The following NAV2 variants were observed in gnomAD, a reference collection of about 807,000 sequenced individuals.
NAV2 encodes neuron navigator 2.
A neutral mutation model predicts 223.2 loss-of-function variants in NAV2; 54 were observed. The observed-to-expected ratio is 0.24, with a 90% CI of 0.19 to 0.30. The LOEUF (loss-of-function observed/expected upper bound fraction) is 0.30, where lower values mean the gene tolerates loss of function less well. Among genes scored for constraint, NAV2 ranks in the 10% least tolerant of loss-of-function variants. The probability of loss-of-function intolerance (pLI) is 1.00; values close to 1 mark genes in which losing one functional copy is unlikely to be tolerated. For missense variants in NAV2, 2,806 were observed against 3,147.5 expected, an observed-to-expected ratio of 0.89 and a Z score of 2.60; for synonymous variants, 1,279 against 1,239.3, an observed-to-expected ratio of 1.03 and a Z score of -0.67.
At chr11:19,378,916 T>G (rs1319699789) in intron 1 of NAV2, among the ~76,000 whole-genome samples, 1 of 152,104 alleles carries the variant, frequency 6.6e-6, no homozygotes, top group Admixed American at 6.5e-5. Context: ...GTGCTGGGCA[T>G]GTGGAGAAAT....
intron 1 of NAV2, among the ~76,000 whole-genome samples, chr11:19,794,175 T>C (rs1232501757): frequency 6.6e-6 from 1 of 152,184 alleles, no homozygotes; most frequent in Non-Finnish European, 1.5e-5. Flanking sequence ...ATTTGTCAAA[T>C]GAATGAATGA....
chr11:19,731,248 A>C (rs1215699376), intron 1 of NAV2, among the ~76,000 whole-genome samples: 3 of 152,208 alleles, frequency 2.0e-5, no homozygotes, highest in Non-Finnish European at 4.4e-5. Context: ...TGCCACACTT[A>C]GTAGGTCTTA....
At chr11:19,484,811 T>A (rs934630039) in intron 1 of NAV2, among the ~76,000 whole-genome samples, 2 of 152,188 alleles carry the variant, frequency 1.3e-5, no homozygotes, top group East Asian at 3.9e-4. Context: ...AACTCTTAGT[T>A]GCAATGCTGG....
intron 1 of NAV2, among the ~76,000 whole-genome samples, chr11:19,408,657 C>A (rs1850006237): frequency 1.3e-5 from 2 of 152,140 alleles, no homozygotes; most frequent in African/African-American, 2.4e-5. Flanking sequence ...CTCGCAACAA[C>A]CTTGTGAATT....
At chr11:19,445,312 T>C (rs1250504688) in intron 1 of NAV2, among the ~76,000 whole-genome samples, 5 of 152,034 alleles carry the variant, frequency 3.3e-5, no homozygotes, top group African/African-American at 4.8e-5. Context: ...AAGATCAGAA[T>C]ACATCCTGCA....
At chr11:19,603,735 A>G (rs1322044247) in intron 1 of NAV2, among the ~76,000 whole-genome samples, 1 of 152,072 alleles carries the variant, frequency 6.6e-6, no homozygotes, top group Non-Finnish European at 1.5e-5. Flanking sequence ...GGGAGAGAGG[A>G]AAAAAAGCAG....
At chr11:19,804,507 G>A (rs1717075705) in intron 1 of NAV2, among the ~76,000 whole-genome samples, 1 of 152,216 alleles carries the variant, frequency 6.6e-6, no homozygotes, top group South Asian at 2.1e-4. Context: ...TGTGGGAGGA[G>A]CATTCTGTTA....
At chr11:19,831,243 T>TGGGGGGGGGGGGGGGGGGGGGGG (rs1565392533) in intron 1 of NAV2, among the ~76,000 whole-genome samples, 1 of 1,854 alleles carries the variant, frequency 5.4e-4, no homozygotes. Context: ...GGGGGCGCGA[T>TGGGGGGGGGGGGGGGGGGGGGGG]GGGGAGTGGG....
chr11:19,573,425 C>G (rs544258151), intron 1 of NAV2, among the ~76,000 whole-genome samples: 2 of 152,284 alleles, frequency 1.3e-5, no homozygotes, highest in East Asian at 3.9e-4. Flanking sequence ...CTCCAGCGCT[C>G]AGCACACAGC....
intron 1 of NAV2, among the ~76,000 whole-genome samples, chr11:19,724,130 G>T (rs1347997685): frequency 4.6e-5 from 7 of 152,162 alleles, no homozygotes; most frequent in African/African-American, 1.2e-4. Flanking sequence ...TAGCTCCATT[G>T]TACAGATGAA....
chr11:20,011,996 T>C (rs2053600096), intron 11 of NAV2, among the ~76,000 whole-genome samples: 1 of 152,254 alleles, frequency 6.6e-6, no homozygotes, highest in African/African-American at 2.4e-5. Flanking sequence ...GTGCAGATGA[T>C]GCCCTTGAGG....
At chr11:19,821,633 G>T (rs1250775973) in intron 1 of NAV2, among the ~76,000 whole-genome samples, 1 of 144,310 alleles carries the variant, frequency 6.9e-6, no homozygotes, top group Admixed American at 6.7e-5. Flanking sequence ...GTCCTGCAAT[G>T]GTAACTCATG....
intron 1 of NAV2, among the ~76,000 whole-genome samples, chr11:19,596,924 A>G (rs1474857680): frequency 6.6e-6 from 1 of 152,216 alleles, no homozygotes; most frequent in Non-Finnish European, 1.5e-5. Context: ...AGATGCAGAA[A>G]CGGAGGCACA....
chr11:19,484,688 C>T (rs1217215224), intron 1 of NAV2, among the ~76,000 whole-genome samples: 3 of 152,186 alleles, frequency 2.0e-5, no homozygotes, highest in Non-Finnish European at 2.9e-5. Flanking sequence ...ATCAGCCTGG[C>T]CAGCCCCTGA....
At chr11:19,829,969 G>A (rs184658640) in intron 1 of NAV2, among the ~76,000 whole-genome samples, 1 of 152,324 alleles carries the variant, frequency 6.6e-6, no homozygotes, top group Non-Finnish European at 1.5e-5. Context: ...GCTCACGCCT[G>A]TAATCCTAGC....
chr11:19,897,886 T>TTATATATATATATATATATATATATATA lies in NAV2; in HGVS notation c.931+5311_931+5312insATATATATATATATATATATATATATAT, dbSNP rs10524489. 2.0e-3 allele frequency among the ~76,000 whole-genome samples: 242 copies of TTATATATATATATATATATATATATATA among 120,554 alleles called. 7 individuals carry two copies. The highest frequency in any genetic ancestry group is 4.0e-3 in the Middle Eastern group (1 of 248). The allele number at this position is 120,554 out of a possible 152,430, so 79.1% of individuals were successfully genotyped here. A position where few individuals can be genotyped will look rare whatever the true frequency, so the allele number is the denominator to read the frequency against. ...GCCACAGCTGTGCCTGACCTGTGATTTATATATATATATATATATGTGAGC... is the reference window on the plus strand; with the variant it reads ...GCCACAGCTGTGCCTGACCTGTGATTTATATATATATATATATATATATATATATATATATATATATATATATGTGAGC... On this transcript the variant is annotated intron_variant, in intron 6 of 37. Transcript: ENST00000349880.
intron 37 of NAV2, among the ~76,000 whole-genome samples, chr11:20,115,054 C>A (rs1365771434): frequency 6.6e-6 from 1 of 152,004 alleles, no homozygotes; most frequent in Non-Finnish European, 1.5e-5. Context: ...GTTCTTATAC[C>A]TACTGTCTCT....
intron 7 of NAV2, among the ~76,000 whole-genome samples, chr11:19,934,975 C>T (rs184151863): frequency 1.3e-5 from 2 of 152,264 alleles, no homozygotes; most frequent in East Asian, 3.9e-4. Flanking sequence ...GGAGCCAGTC[C>T]ACACAGTGGT....
chr11:19,543,292 G>T (rs1455682551), intron 1 of NAV2, among the ~76,000 whole-genome samples: 1 of 152,190 alleles, frequency 6.6e-6, no homozygotes, highest in Non-Finnish European at 1.5e-5. Flanking sequence ...TCTTTTGGAA[G>T]TTTGGGCTTC....
Sources: gnomAD v4.1 joint callset for allele counts (sites outside exome capture counted in the v4.1 genomes callset) on GRCh38, gnomAD v4.1.1 for gene constraint, MANE v1.5 for transcripts, NCBI Gene and HGNC (gene_info 2026-07-23, HGNC 2026-07-21) for gene names.